MBD2: variants seen among roughly 807,000 people sequenced by gnomAD.
MBD2 encodes methyl-CpG binding domain protein 2.
In MBD2, 9 loss-of-function variants were observed where a neutral mutation model predicts 39.3. The ratio of observed to expected loss-of-function variants is 0.23; its 90% confidence interval spans 0.14 to 0.40. The LOEUF (loss-of-function observed/expected upper bound fraction) is 0.40. Ranked by LOEUF, MBD2 falls within the 10% of genes least tolerant of loss-of-function variation. MBD2 has a pLI of 1.00. For synonymous variants in MBD2, 233 were observed against 211.1 expected (o/e 1.10, Z -0.90); for missense variants, 458 against 532.6 (o/e 0.86, Z 1.38).
chr18:54,184,538 AT>A lies in MBD2; in HGVS notation c.840+4335del, dbSNP rs374919192. On this transcript the variant is annotated intron_variant, in intron 3 of 6. Transcript: ENST00000256429. The stretch of plus-strand genomic sequence containing the variant: ...GCTGAAACTGGAAAGTATCTAACTT[AT>A]TGATAGTCTTTTAATTTGGTACAAC... Among the ~76,000 whole-genome samples, 80 of 152,326 alleles carry A rather than the reference AT, an allele frequency of 5.3e-4. 1 individual carries two copies. In the South Asian group the frequency reaches 0.013, roughly 26 times the overall value.
chr18:54,171,199 C>T (rs1167164059), intron 3 of MBD2, among the ~76,000 whole-genome samples: 2 of 151,832 alleles, frequency 1.3e-5, no homozygotes, highest in South Asian at 2.1e-4. Context: ...GTCAGGAGTT[C>T]GAGACCAGCC....
intron 2 of MBD2, chr18:54,203,185 T>C: frequency 5.7e-6 from 9 of 1,565,624 alleles, no homozygotes; most frequent in Non-Finnish European, 7.8e-6. Context: ...AAAATAAATC[T>C]GCACATTACA....
At chr18:54,159,139 CT>C (rs1294951130) in intron 6 of MBD2, among the ~76,000 whole-genome samples, 1 of 152,094 alleles carries the variant, frequency 6.6e-6, no homozygotes, top group African/African-American at 2.4e-5. Context: ...CCGTTCCTCC[CT>C]ACATGACAAA....
At chr18:54,220,406 G>T (rs774169122) in intron 1 of MBD2, among the ~76,000 whole-genome samples, 1 of 151,844 alleles carries the variant, frequency 6.6e-6, no homozygotes, top group Non-Finnish European at 1.5e-5. Context: ...GGCAACTAGG[G>T]GCACGCCTTC....
intron 5 of MBD2, among the ~76,000 whole-genome samples, chr18:54,161,787 A>T (rs562198393): frequency 1.3e-5 from 2 of 152,240 alleles, no homozygotes; most frequent in African/African-American, 4.8e-5. Flanking sequence ...TCTTTATATA[A>T]TTCTCTCCTC....
chr18:54,170,419 A>T (rs925529404), intron 3 of MBD2, among the ~76,000 whole-genome samples: 1 of 152,176 alleles, frequency 6.6e-6, no homozygotes, highest in African/African-American at 2.4e-5. Flanking sequence ...GGGATCACAA[A>T]CAACTCCTCG....
intron 6 of MBD2, among the ~76,000 whole-genome samples, chr18:54,158,037 T>C (rs1001465093): frequency 6.6e-6 from 1 of 152,366 alleles, no homozygotes; most frequent in South Asian, 2.1e-4. Context: ...CTTGTATTCA[T>C]GCAGCAGCCA....
chr18:54,178,934 A>C (rs965651802), intron 3 of MBD2, among the ~76,000 whole-genome samples: 13 of 152,362 alleles, frequency 8.5e-5, no homozygotes, highest in African/African-American at 3.1e-4. Context: ...CATGAAAAAA[A>C]CTAGAAAGAA....
chr18:54,169,840 C>G (rs1415887205), intron 3 of MBD2, among the ~76,000 whole-genome samples: 1 of 152,234 alleles, frequency 6.6e-6, no homozygotes, highest in Non-Finnish European at 1.5e-5. Flanking sequence ...AATGTGCTAT[C>G]ACCCTCAGTT....
chr18:54,189,334 C>G (rs1239246232), intron 2 of MBD2, among the ~76,000 whole-genome samples: 1 of 151,092 alleles, frequency 6.6e-6, no homozygotes, highest in African/African-American at 2.4e-5. Flanking sequence ...CTTACGCCAT[C>G]CGCCTCAGCC....
At chr18:54,171,741 T>C (rs1026984781) in intron 3 of MBD2, among the ~76,000 whole-genome samples, 1 of 152,250 alleles carries the variant, frequency 6.6e-6, no homozygotes, top group Non-Finnish European at 1.5e-5. Flanking sequence ...CACCTTTCCA[T>C]AGGCCTGGCA....
At chr18:54,220,609 G>T (rs1325719390) in intron 1 of MBD2, among the ~76,000 whole-genome samples, 1 of 152,194 alleles carries the variant, frequency 6.6e-6, no homozygotes, top group Non-Finnish European at 1.5e-5. Context: ...GAATCTGTGT[G>T]AACAATTGGG....
At chr18:54,169,957 C>T (rs1599079458) in intron 3 of MBD2, among the ~76,000 whole-genome samples, 1 of 152,206 alleles carries the variant, frequency 6.6e-6, no homozygotes, top group Non-Finnish European at 1.5e-5. Flanking sequence ...GCTCCACATG[C>T]CTATCACCTT....
At chr18:54,164,475 C>T (rs2086116643) in intron 5 of MBD2, 48 bp downstream of exon 5, 3 of 1,554,244 alleles carry the variant, frequency 1.9e-6, no homozygotes, top group Non-Finnish European at 2.6e-6. Flanking sequence ...AAAAAATTTA[C>T]CCAAACGTAA....
chr18:54,203,701 A>AC (rs905954435), intron 2 of MBD2, among the ~76,000 whole-genome samples: 4 of 152,118 alleles, frequency 2.6e-5, no homozygotes. Context: ...TGAAGCAGAG[A>AC]CCCCATGCCC....
At chr18:54,208,378 G>A (rs898599123) in intron 1 of MBD2, among the ~76,000 whole-genome samples, 1 of 152,124 alleles carries the variant, frequency 6.6e-6, no homozygotes, top group Non-Finnish European at 1.5e-5. Context: ...TCTAACCCCA[G>A]CTACTCGGGA....
At chr18:54,189,050 A>G (rs1368118653) in intron 2 of MBD2, 39 bp from the exon 3 acceptor site, 2 of 1,359,690 alleles carry the variant, frequency 1.5e-6, no homozygotes, top group Non-Finnish European at 2.0e-6. Flanking sequence ...AATATTATAT[A>G]TAAACACAAT....
rs537268527 is a variant in MBD2 at position 54,170,684 on chromosome 18, G to A, written c.841-4518C>T. ...ACTGGGGATGCTTGGTAGGATAATC[G>A]GCAATCGCTGCCCTCCAGGAGGTGT... On this transcript the variant is annotated intron_variant, in intron 3 of 6. Transcript: ENST00000256429. 8.5e-5 allele frequency among the ~76,000 whole-genome samples: 13 copies of A among 152,218 alleles called. No individual in the cohort carries two copies. The East Asian group carries it at 9.7e-4, about 11-fold the overall frequency.
In MBD2 at chr18:54,178,266, A is replaced by C. The variant is rs138418672; in HGVS notation, c.840+10608T>G. Among the ~76,000 whole-genome samples, 610 of 152,326 alleles carry C rather than the reference A, an allele frequency of 4.0e-3. 4 individuals are homozygous for C. The highest frequency in any genetic ancestry group is 0.01 in the Middle Eastern group (3 of 294). On this transcript the variant is annotated intron_variant, in intron 3 of 6. Coordinates refer to ENST00000256429, the MANE Select transcript of MBD2 (RefSeq NM_003927.5). Reference sequence around the variant, plus strand: ...AATCCTCAAAATTACCAGAAGTATAAATTTAAATGAAAAACCCAGACCACA... The same window carrying C: ...AATCCTCAAAATTACCAGAAGTATACATTTAAATGAAAAACCCAGACCACA...
Sources: allele counts gnomAD v4.1 joint callset (sites outside exome capture counted in the v4.1 genomes callset), GRCh38; gene constraint gnomAD v4.1.1; transcripts MANE v1.5; gene names NCBI Gene and HGNC (gene_info 2026-07-23, HGNC 2026-07-21).